Variants in SAMD3 observed in about 807,000 individuals in gnomAD.
SAMD3 encodes sterile alpha motif domain-containing protein 3.
A neutral mutation model predicts 58.5 loss-of-function variants in SAMD3; 63 were observed. The ratio of observed to expected loss-of-function variants is 1.08; its 90% CI spans 0.88 to 1.33. SAMD3 has a LOEUF of 1.33. SAMD3 is among the 40% of genes most tolerant of loss of function. The pLI is 0.00. For missense variants in SAMD3, 604 were observed against 608.4 expected (o/e 0.99, Z 0.08); for synonymous variants, 220 against 210.3 (o/e 1.05, Z -0.40).
At chr6:130,306,981 T>C (rs1433331174) in intron 2 of SAMD3, among the ~76,000 whole-genome samples, 1 of 152,240 alleles carries the variant, frequency 6.6e-6, no homozygotes, top group African/African-American at 2.4e-5. Context: ...ATGCGGATGA[T>C]CTAGCTATTG....
At chr6:130,299,155 A>G (rs1387725439) in intron 2 of SAMD3, among the ~76,000 whole-genome samples, 1 of 152,142 alleles carries the variant, frequency 6.6e-6, no homozygotes, top group African/African-American at 2.4e-5. Flanking sequence ...ATCACATAAT[A>G]TAATTTTTCT....
At chr6:130,169,847 GGCTGGGGACAACT>G (rs1791080680) in intron 8 of SAMD3, among the ~76,000 whole-genome samples, 1 of 152,178 alleles carries the variant, frequency 6.6e-6, no homozygotes, top group African/African-American at 2.4e-5. Context: ...TGAGTTCTAA[GGCTGGGGACAACT>G]GCTGGGGACA....
At chr6:130,207,832 T>A (rs1257886603) in intron 5 of SAMD3, among the ~76,000 whole-genome samples, 1 of 151,810 alleles carries the variant, frequency 6.6e-6, no homozygotes, top group Non-Finnish European at 1.5e-5. Flanking sequence ...GGGCTAGAGG[T>A]GAGGTCCAAG....
At chr6:130,275,952 T>A (rs1197625504) in intron 2 of SAMD3, among the ~76,000 whole-genome samples, 1 of 152,186 alleles carries the variant, frequency 6.6e-6, no homozygotes, top group East Asian at 1.9e-4. Context: ...TCTATGAATA[T>A]GTTGCCTTAC....
intron 1 of SAMD3, among the ~76,000 whole-genome samples, chr6:130,326,427 T>A (rs1010485164): frequency 6.6e-6 from 1 of 150,818 alleles, no homozygotes; most frequent in African/African-American, 2.4e-5. Context: ...TGTGACGTAT[T>A]TTTTAGTAAC....
chr6:130,278,915 C>T (rs1413782329), intron 2 of SAMD3, among the ~76,000 whole-genome samples: 2 of 152,034 alleles, frequency 1.3e-5, no homozygotes, highest in Admixed American at 6.6e-5. Flanking sequence ...TGGGGAGACA[C>T]GATGTGGTTA....
intron 1 of SAMD3, among the ~76,000 whole-genome samples, chr6:130,327,123 C>A (rs867998158): frequency 6.6e-6 from 1 of 152,066 alleles, no homozygotes; most frequent in African/African-American, 2.4e-5. Flanking sequence ...AGACTGTATT[C>A]TTGTTTCCTT....
intron 2 of SAMD3, among the ~76,000 whole-genome samples, chr6:130,245,595 G>C (rs1773513590): frequency 6.6e-6 from 1 of 152,214 alleles, no homozygotes; most frequent in Non-Finnish European, 1.5e-5. Context: ...AAAACTCTCT[G>C]AGTGCACATT....
At chr6:130,319,341 C>T (rs1199004004) in intron 1 of SAMD3, among the ~76,000 whole-genome samples, 5 of 151,874 alleles carry the variant, frequency 3.3e-5, no homozygotes, top group Non-Finnish European at 7.4e-5. Flanking sequence ...TGCAAAGACA[C>T]GTTATAATGA....
intron 1 of SAMD3, among the ~76,000 whole-genome samples, chr6:130,361,098 A>T (rs1396860898): frequency 3.3e-5 from 5 of 152,184 alleles, no homozygotes; most frequent in African/African-American, 1.2e-4. Flanking sequence ...CTGAGGCAAC[A>T]TATATCCTCC....
chr6:130,173,646 G>A (rs1791444729), intron 8 of SAMD3, among the ~76,000 whole-genome samples: 2 of 152,232 alleles, frequency 1.3e-5, no homozygotes, highest in South Asian at 4.1e-4. Context: ...CCAGTCAGGA[G>A]GCACTGGGGT....
chr6:130,166,363 A>G (rs1188782237), intron 8 of SAMD3, among the ~76,000 whole-genome samples: 1 of 152,226 alleles, frequency 6.6e-6, no homozygotes, highest in African/African-American at 2.4e-5. Context: ...AAAATGCAAT[A>G]TAGAATGGCA....
downstream of SAMD3, chr6:130,144,266 TATAAC>T (rs1788414479): frequency 2.2e-6 from 1 of 462,140 alleles, no homozygotes; most frequent in African/African-American, 2.0e-5. Context: ...CCTCTGAAAA[TATAAC>T]TTAACTGCGG....
At chr6:130,347,317 T>A (rs1013344224) in intron 1 of SAMD3, among the ~76,000 whole-genome samples, 2 of 151,774 alleles carry the variant, frequency 1.3e-5, no homozygotes, top group Non-Finnish European at 2.9e-5. Context: ...GCAAAGAAGG[T>A]AAAAACCTTG....
chr6:130,307,304 GA>G lies in SAMD3; in HGVS notation c.-188+5673del, dbSNP rs557746308. ...GTAATGCTCTGCTGTTGCTGTCTTG[GA>G]GTTTTTAATTTTTGAACAAGAGGTC... On this transcript the variant is annotated intron_variant, in intron 2 of 13. Coordinates refer to the SAMD3 transcript ENST00000368134. 1.3e-3 allele frequency among the ~76,000 whole-genome samples: 197 copies of G among 151,916 alleles called. 4 individuals carry two copies. In the South Asian group the frequency reaches 0.031, roughly 24 times the overall value.
chr6:130,204,890 C>G (rs1794953179), intron 5 of SAMD3, among the ~76,000 whole-genome samples: 1 of 151,530 alleles, frequency 6.6e-6, no homozygotes, highest in South Asian at 2.1e-4. Flanking sequence ...TAACAGCTGC[C>G]AGGTGCTTTG....
rs767422500 is a variant in SAMD3, at chr6:130,278,820, A to G, written c.-188+34158T>C. 1.4e-3 allele frequency among the ~76,000 whole-genome samples: 210 copies of G among 152,118 alleles called. 5 individuals are homozygous for G. Among genetic ancestry groups the G allele is most frequent in the Non-Finnish European group, 4.1e-4 (28 of 68,014 alleles). On this transcript the variant is annotated intron_variant, in intron 2 of 13. Coordinates refer to the SAMD3 transcript ENST00000368134. ...TGGAAAGGAAGGAGAACTGGATAGT[A>G]GTAAAGCACAATAATGCCTACTGCA...
chr6:130,317,864 C>T (rs917379333), intron 1 of SAMD3, among the ~76,000 whole-genome samples: 1 of 152,106 alleles, frequency 6.6e-6, no homozygotes, highest in Non-Finnish European at 1.5e-5. Flanking sequence ...GGCTGCAGGC[C>T]TATATTCTCA....
chr6:130,154,082 T>G (rs1180463445), intron 9 of SAMD3, among the ~76,000 whole-genome samples: 1 of 152,034 alleles, frequency 6.6e-6, no homozygotes, highest in Non-Finnish European at 1.5e-5. Context: ...TAAACTACCT[T>G]GATTACATAA....
Sources: gnomAD v4.1 joint callset for allele counts (sites outside exome capture counted in the v4.1 genomes callset) on GRCh38, gnomAD v4.1.1 for gene constraint, MANE v1.5 for transcripts, NCBI Gene and HGNC (gene_info 2026-07-23, HGNC 2026-07-21) for gene names.